Variants in DSG3 observed in about 807,000 individuals in gnomAD.
The protein encoded by DSG3 is desmoglein 3, also known as desmoglein-3.
Under a neutral mutation model 85.9 loss-of-function variants are expected in DSG3, and 63 were observed. The ratio of observed to expected loss-of-function variants is 0.73; its 90% CI spans 0.60 to 0.90. The LOEUF (loss-of-function observed/expected upper bound fraction) is 0.90, where lower values mean the gene tolerates loss of function less well. Among genes scored for constraint, DSG3 ranks in the 40% least tolerant of loss-of-function variants. DSG3 has a pLI of 0.00. For synonymous variants in DSG3, 447 were observed against 441.9 expected (o/e 1.01, Z -0.14); for missense variants, 1,220 against 1,219.9 (o/e 1.00, Z 0.00).
chr18:31,466,446 A>G (rs1403675900), intron 10 of DSG3, 84 bp from the exon 11 acceptor site: 3 of 1,239,288 alleles, frequency 2.4e-6, no homozygotes, highest in East Asian at 2.3e-5. Flanking sequence ...AGTTGGCTAC[A>G]GAAAAGAGAA....
In DSG3 at chr18:31,460,894, C is replaced by T; in HGVS notation, c.746C>T (p.Thr249Ile). ...GADKDGEGLS[T>I]QCECNIKVKD... The stretch of plus-strand genomic sequence containing the variant: ...GACAAAGATGGAGAAGGACTATCAA[C>T]TCAATGTGAATGTAATATTAAAGTG... Residue 249 changes from threonine to isoleucine, a missense_variant, in exon 7 of 16, where the codon ACT becomes ATT. Coordinates refer to ENST00000257189, the MANE Select transcript of DSG3 (RefSeq NM_001944.3). 6.2e-7 allele frequency: 1 copy of T among 1,605,194 alleles called. No individual in the cohort carries two copies. The highest frequency in any genetic ancestry group is 8.5e-7 in the Non-Finnish European group (1 of 1,177,104).
rs1181785313 is a variant in DSG3, at chr18:31,475,958, A to C, written c.2698A>C (p.Thr900Pro). The change falls in exon 16 of 16, where the codon ACT becomes CCT. Residue 900 changes from threonine (T) to proline (P), a missense_variant. Coordinates refer to ENST00000257189, the MANE Select transcript of DSG3 (RefSeq NM_001944.3). ...VQQTGFVKCQ[T>P]LSGSQGASAL... is the part of the protein sequence containing the mutation. ...GCAGACAGGATTTGTTAAGTGCCAGACTTTGTCAGGAAGTCAAGGAGCTTC... is the reference window on the plus strand; with the variant it reads ...GCAGACAGGATTTGTTAAGTGCCAGCCTTTGTCAGGAAGTCAAGGAGCTTC... 1.2e-6 allele frequency: 2 copies of C among 1,614,206 alleles called. No homozygotes were observed. Among genetic ancestry groups the C allele is most frequent in the South Asian group, 1.1e-5 (1 of 91,080 alleles).
At chr18:31,455,355 T>C (rs1431662418) in intron 1 of DSG3, among the ~76,000 whole-genome samples, 1 of 151,782 alleles carries the variant, frequency 6.6e-6, no homozygotes, top group Non-Finnish European at 1.5e-5. Flanking sequence ...CATCCGATAA[T>C]CAGTGGATTA....
intron 5 of DSG3, among the ~76,000 whole-genome samples, chr18:31,459,609 T>G (rs901365937): frequency 6.6e-6 from 1 of 152,088 alleles, no homozygotes; most frequent in Non-Finnish European, 1.5e-5. Context: ...ATAGCCTCAA[T>G]CTCAGCAAAC....
Position 31,459,051 on chromosome 18 carries a change from A to C in DSG3, c.391A>C (p.Asn131His). 1.9e-6 allele frequency: 3 copies of C among 1,613,526 alleles called. No individual in the cohort carries two copies. The highest frequency in any genetic ancestry group is 2.5e-6 in the Non-Finnish European group (3 of 1,179,894). Residue 131 changes from asparagine to histidine, a missense_variant, in exon 5 of 16, where the codon AAT (asparagine) becomes CAT (histidine). By Grantham distance (68) the Asn-to-His change is moderately conservative. Transcript: ENST00000257189. ...PSFLITCRAL[N>H]AQGLDVEKPL... ...TTCCTAGATCACATGTCGGGCTCTA[A>C]ATGCCCAAGGACTAGATGTAGAGAA...
Position 31,476,208 on chromosome 18 carries a change from G to A in DSG3, c.2948G>A (p.Arg983Gln), listed in dbSNP as rs141447616. 1.0e-4 allele frequency: 162 copies of A among 1,614,114 alleles called. No individual in the cohort carries two copies. The highest frequency in any genetic ancestry group is 3.6e-4 in the East Asian group (16 of 44,870). ...PGNLAGPTQL[R>Q]GSHTMLCTED... The stretch of plus-strand genomic sequence containing the variant: ...AACCTAGCTGGCCCAACGCAGCTAC[G>A]AGGGTCACATACTATGCTCTGTACA... Residue 983 changes from arginine (R) to glutamine (Q), a missense_variant, in exon 16 of 16, where the codon CGA becomes CAA. Arg to Gln is a conservative substitution (Grantham distance 43). Transcript: ENST00000257189.
chr18:31,467,304 G>A (rs1249894262), intron 11 of DSG3, among the ~76,000 whole-genome samples: 2 of 152,140 alleles, frequency 1.3e-5, no homozygotes, highest in Non-Finnish European at 2.9e-5. Context: ...TCCTGCCACT[G>A]CACTCCAGCC....
intron 1 of DSG3, among the ~76,000 whole-genome samples, chr18:31,448,599 A>T (rs2072692713): frequency 6.6e-6 from 1 of 151,382 alleles, no homozygotes; most frequent in Non-Finnish European, 1.5e-5. Context: ...AATGTTACAG[A>T]CTGTTTAAAA....
rs2072841832 is a variant in DSG3 at position 31,469,343 on chromosome 18, C to T, written c.1891C>T (p.Leu631=). ...IGLLLLGLLL[L]LLAPLLLLTC... Reference sequence around the variant, plus strand: ...CCTGCTGCTCCTTGGTCTCCTGCTGCTGCTGTGTGAGTAGCCAATGTTTCA... The same window carrying T: ...CCTGCTGCTCCTTGGTCTCCTGCTGTTGCTGTGTGAGTAGCCAATGTTTCA... The change falls in exon 12 of 16, where the codon CTG becomes TTG. Residue 631 remains leucine, a synonymous_variant. Coordinates refer to ENST00000257189, the MANE Select transcript of DSG3 (RefSeq NM_001944.3). 1 of 1,612,712 alleles carries T rather than the reference C, an allele frequency of 6.2e-7. No individual in the cohort carries two copies. The highest frequency in any genetic ancestry group is 8.5e-7 in the Non-Finnish European group (1 of 1,179,972).
chr18:31,469,363 G>A lies in DSG3; in HGVS notation c.1897+14G>A. The A allele has an allele frequency of 1.2e-6, 2 of 1,611,844 alleles. No individual in the cohort carries two copies. The highest frequency in any genetic ancestry group is 2.2e-5 in the East Asian group (1 of 44,876). ...TGCTGCTGCTGTGTGAGTAGCCAAT[G>A]TTTCATTCTCTGTTGGACCAGGTGT... On this transcript the variant is annotated intron_variant, in intron 12 of 15. Transcript: ENST00000257189.
At chr18:31,450,701 T>A (rs2072706357) in intron 1 of DSG3, among the ~76,000 whole-genome samples, 1 of 152,198 alleles carries the variant, frequency 6.6e-6, no homozygotes, top group Non-Finnish European at 1.5e-5. Context: ...CAGGCTTTGT[T>A]TCCTCAACTG....
At chr18:31,457,581 CTTTCTTCTTTCTTTCT>C (rs1414388529) in intron 3 of DSG3, among the ~76,000 whole-genome samples, 1,159 of 80,378 alleles carry the variant, frequency 0.014, 8 homozygotes, top group East Asian at 0.078. Flanking sequence ...TTCTTTCTTT[CTTTCTTCTTTCTTTCT>C]TTCTTTCTTT....
At chr18:31,456,166 G>A (rs1368600401) in intron 1 of DSG3, among the ~76,000 whole-genome samples, 1 of 152,126 alleles carries the variant, frequency 6.6e-6, no homozygotes, top group Non-Finnish European at 1.5e-5. Flanking sequence ...TGACTATTAG[G>A]CATAGTTTTT....
intron 4 of DSG3, among the ~76,000 whole-genome samples, chr18:31,458,819 T>C (rs1251987758): frequency 6.6e-6 from 1 of 152,206 alleles, no homozygotes; most frequent in African/African-American, 2.4e-5. Context: ...TGCTTCAGTT[T>C]GCCATGACAC....
At chr18:31,452,310 A>G (rs922658138) in intron 1 of DSG3, among the ~76,000 whole-genome samples, 40 of 152,134 alleles carry the variant, frequency 2.6e-4, no homozygotes, top group African/African-American at 8.9e-4. Flanking sequence ...CACGAGGTCA[A>G]GAGATTGAGA....
rs1243722807 is a variant in DSG3 at position 31,458,543 on chromosome 18, C to A, written c.315C>A (p.Asn105Lys). 2 of 1,613,894 alleles carry A rather than the reference C, an allele frequency of 1.2e-6. No homozygotes were observed. The highest frequency in any genetic ancestry group is 2.7e-5 in the African/African-American group (2 of 74,900). Residue 105 changes from asparagine to lysine, a missense_variant, in exon 4 of 16, where the codon AAC becomes AAA. Coordinates refer to ENST00000257189, the MANE Select transcript of DSG3 (RefSeq NM_001944.3). ...TTGGAATCTTTGTTGTTGACAAAAA[C>A]ACTGGAGATATTAACATAACAGCTA... ...PPFGIFVVDK[N>K]TGDINITAIV...
Position 31,464,291 on chromosome 18 carries a change from A to C in DSG3, c.1180A>C (p.Lys394Gln). Reference protein sequence around the residue: ...RPASKTFTVQKGISSKKLVDY... With the variant: ...RPASKTFTVQQGISSKKLVDY... ...TGCTTCCAAGACATTTACTGTGCAA[A>C]AAGGCATAAGTAGCAAAAAATTGGT... The change falls in exon 9 of 16, where the codon AAA becomes CAA. Residue 394 changes from lysine (K) to glutamine (Q), a missense_variant. Lys to Gln is a moderately conservative substitution (Grantham distance 53, BLOSUM62 1). Transcript: ENST00000257189. 1 of 1,614,184 alleles carries C rather than the reference A, an allele frequency of 6.2e-7. No individual in the cohort carries two copies. Among genetic ancestry groups the C allele is most frequent in the Middle Eastern group, 1.6e-4 (1 of 6,062 alleles).
In DSG3 at chr18:31,476,276, A is replaced by T; in HGVS notation, c.*16A>T. 1 of 1,588,620 alleles carries T rather than the reference A, an allele frequency of 6.3e-7. No homozygotes were observed. Among genetic ancestry groups the T allele is most frequent in the Non-Finnish European group, 8.6e-7 (1 of 1,166,544 alleles). ...TCTAATATGACCAGAATGAGCTGGA[A>T]TACCACACTGACCAAATCTGGATCT... is the stretch of plus-strand genomic sequence containing the variant. On this transcript the variant is annotated 3_prime_UTR_variant, in exon 16 of 16. Transcript: ENST00000257189.
chr18:31,463,654 G>T (rs1349672044), intron 8 of DSG3, among the ~76,000 whole-genome samples: 1 of 152,094 alleles, frequency 6.6e-6, no homozygotes, highest in Non-Finnish European at 1.5e-5. Flanking sequence ...GACCATAACT[G>T]CCAGTTATAA....
Sources: allele counts gnomAD v4.1 joint callset (sites outside exome capture counted in the v4.1 genomes callset), GRCh38; gene constraint gnomAD v4.1.1; transcripts MANE v1.5; gene names NCBI Gene and HGNC (gene_info 2026-07-23, HGNC 2026-07-21).